COMMD10: variants seen among roughly 807,000 people sequenced by gnomAD.
COMMD10 encodes COMM domain-containing protein 10.
A neutral mutation model predicts 28.9 loss-of-function variants in COMMD10; 33 were observed. That is an observed-to-expected ratio of 1.14 (90% confidence interval 0.87 to 1.53). The LOEUF is 1.53. Ranked by LOEUF, COMMD10 falls within the 40% of genes most tolerant of loss-of-function variation. The probability of loss-of-function intolerance (pLI) is 0.00; values close to 1 mark genes in which losing one functional copy is unlikely to be tolerated. For missense variants in COMMD10, 310 were observed against 233.4 expected (o/e 1.33, Z -2.14); for synonymous variants, 110 against 81.7 (o/e 1.35, Z -1.87).
At chr5:116,118,496 C>G (rs1434213659) in intron 4 of COMMD10, among the ~76,000 whole-genome samples, 1 of 107,394 alleles carries the variant, frequency 9.3e-6, no homozygotes, top group East Asian at 2.3e-4. Context: ...ATTCGGTTTC[C>G]TTATGAAGAG....
At chr5:116,247,300 T>G (rs2112669587) in intron 5 of COMMD10, among the ~76,000 whole-genome samples, 1 of 151,910 alleles carries the variant, frequency 6.6e-6, no homozygotes, top group South Asian at 2.1e-4. Context: ...AGGTTATTAT[T>G]AAAAAGTCAA....
intron 5 of COMMD10, among the ~76,000 whole-genome samples, chr5:116,247,307 T>C (rs1000269130): frequency 1.3e-5 from 2 of 151,736 alleles, no homozygotes; most frequent in African/African-American, 4.8e-5. Context: ...TATTAAAAAG[T>C]CAAAAAATAA....
chr5:116,196,643 G>A (rs896036796), intron 5 of COMMD10, among the ~76,000 whole-genome samples: 57 of 150,588 alleles, frequency 3.8e-4, no homozygotes, highest in African/African-American at 1.4e-3. Context: ...TTTAAAAAAA[G>A]AAAAATGTTT....
chr5:116,188,111 A>G (rs1013882825), intron 5 of COMMD10, among the ~76,000 whole-genome samples: 1 of 152,182 alleles, frequency 6.6e-6, no homozygotes, highest in Non-Finnish European at 1.5e-5. Flanking sequence ...CTAGATGAAC[A>G]TTGGTACCTA....
intron 5 of COMMD10, among the ~76,000 whole-genome samples, chr5:116,276,690 T>A (rs1241292553): frequency 6.6e-6 from 1 of 151,812 alleles, no homozygotes; most frequent in Non-Finnish European, 1.5e-5. Context: ...TAAACAGAAT[T>A]TTTACTGATA....
intron 5 of COMMD10, among the ~76,000 whole-genome samples, chr5:116,177,304 A>C (rs55796115): frequency 6.6e-6 from 1 of 151,674 alleles, no homozygotes; most frequent in Non-Finnish European, 1.5e-5. Flanking sequence ...TTTCTCTCTC[A>C]TCTTCATATG....
chr5:116,092,798 T>A (rs1750344048), intron 4 of COMMD10, 98 bp downstream of exon 4: 1 of 860,638 alleles, frequency 1.2e-6, no homozygotes, highest in African/African-American at 1.7e-5. Context: ...TGTTGAGAGG[T>A]AGAGTCAGGC....
At chr5:116,122,402 A>G (rs2112753501) in intron 4 of COMMD10, among the ~76,000 whole-genome samples, 1 of 152,292 alleles carries the variant, frequency 6.6e-6, no homozygotes, top group Non-Finnish European at 1.5e-5. Flanking sequence ...GTATAGTTTG[A>G]AGTCCGGTAA....
chr5:116,091,050 A>T, intron 2 of COMMD10, 29 bp from the exon 3 acceptor site: 2 of 1,357,228 alleles, frequency 1.5e-6, no homozygotes, highest in Non-Finnish European at 2.1e-6. Flanking sequence ...AATATGTGCT[A>T]ATATAATAGA....
intron 5 of COMMD10, among the ~76,000 whole-genome samples, chr5:116,142,322 G>A (rs1752220727): frequency 6.6e-6 from 1 of 151,632 alleles, no homozygotes; most frequent in African/African-American, 2.4e-5. Flanking sequence ...CAAATACTGG[G>A]TTTGTTTCTA....
At chr5:116,235,454 G>C (rs2218883) in intron 5 of COMMD10, among the ~76,000 whole-genome samples, 91,356 of 152,008 alleles carry the variant, frequency 0.6, 31,738 homozygotes, top group South Asian at 0.77. Context: ...GGTTAGATTT[G>C]CTGTTACTTA....
At chr5:116,236,316 C>A (rs575813161) in intron 5 of COMMD10, among the ~76,000 whole-genome samples, 61 of 151,988 alleles carry the variant, frequency 4.0e-4, no homozygotes, top group African/African-American at 1.4e-3. Context: ...CCAACCTGGC[C>A]AACATGGTGA....
intron 5 of COMMD10, among the ~76,000 whole-genome samples, chr5:116,250,578 G>T: frequency 6.6e-6 from 1 of 151,738 alleles, no homozygotes; most frequent in East Asian, 1.9e-4. Flanking sequence ...ATACATAAAG[G>T]AATAGATCCA....
intron 5 of COMMD10, among the ~76,000 whole-genome samples, chr5:116,145,636 C>T (rs557354482): frequency 4.5e-4 from 69 of 151,938 alleles, no homozygotes; most frequent in African/African-American, 1.6e-3. Flanking sequence ...ACCCAGATCT[C>T]ATCTTGAATT....
At chr5:116,089,817 G>T (rs1188431914) in intron 2 of COMMD10, among the ~76,000 whole-genome samples, 2 of 152,184 alleles carry the variant, frequency 1.3e-5, no homozygotes, top group African/African-American at 2.4e-5. Flanking sequence ...CGTCAGGAAA[G>T]GTCTAATTGT....
chr5:116,192,000 A>G (rs913367130), intron 5 of COMMD10, among the ~76,000 whole-genome samples: 1 of 151,606 alleles, frequency 6.6e-6, no homozygotes, highest in Admixed American at 6.6e-5. Flanking sequence ...TATTGTGCAG[A>G]CAACCCCCAG....
intron 5 of COMMD10, among the ~76,000 whole-genome samples, chr5:116,162,697 A>C (rs563043261): frequency 7.9e-5 from 12 of 152,320 alleles, no homozygotes; most frequent in African/African-American, 2.9e-4. Flanking sequence ...GTACTTTTCT[A>C]TCCAGAGGGA....
At chr5:116,268,525 T>C (rs1669825052) in intron 5 of COMMD10, among the ~76,000 whole-genome samples, 1 of 151,930 alleles carries the variant, frequency 6.6e-6, no homozygotes, top group South Asian at 2.1e-4. Context: ...AGTTCAACCA[T>C]TGTGGAAGAC....
chr5:116,220,044 G>A (rs556109566), intron 5 of COMMD10, among the ~76,000 whole-genome samples: 15 of 151,076 alleles, frequency 9.9e-5, no homozygotes, highest in Middle Eastern at 3.4e-3. Context: ...CATAGTCGGA[G>A]CCCAGGTTAT....
Sources: allele counts gnomAD v4.1 joint callset (sites outside exome capture counted in the v4.1 genomes callset), GRCh38; gene constraint gnomAD v4.1.1; transcripts MANE v1.5; gene names NCBI Gene and HGNC (gene_info 2026-07-23, HGNC 2026-07-21).